Variants in DUSP11 observed in about 807,000 individuals in gnomAD.
DUSP11 encodes the protein dual specificity phosphatase 11, also known as RNA/RNP complex-1-interacting phosphatase.
DUSP11 carries 27 observed loss-of-function variants against 41.4 expected under a neutral mutation model. That is an observed-to-expected ratio of 0.65 (90% CI 0.48 to 0.90). DUSP11 has a LOEUF of 0.90. Among genes scored for constraint, DUSP11 ranks in the 40% least tolerant of loss-of-function variants. DUSP11 has a pLI of 0.00. For synonymous variants in DUSP11, 188 were observed against 159.3 expected, an observed-to-expected ratio of 1.18 and a Z score of -1.35; for missense variants, 465 against 461.1, an observed-to-expected ratio of 1.01 and a Z score of -0.08.
exon 5 of DUSP11, chr2:73,769,299 G>A (rs1240908836): frequency 6.2e-7 from 1 of 1,613,314 alleles, no homozygotes; most frequent in Admixed American, 1.7e-5. Context: ...TTTAAACCAT[G>A]GGTACAGTGG....
chr2:73,773,008 T>A (rs1672615618), intron 4 of DUSP11, among the ~76,000 whole-genome samples: 1 of 152,236 alleles, frequency 6.6e-6, no homozygotes. Flanking sequence ...TGGGTGTCAG[T>A]GGCTTTCCAA....
intron 2 of DUSP11, among the ~76,000 whole-genome samples, chr2:73,777,073 T>C (rs1437502297): frequency 2.0e-5 from 3 of 152,124 alleles, no homozygotes; most frequent in Admixed American, 2.0e-4. Context: ...CTTGACCTCC[T>C]GGGTTCAATC....
At chr2:73,768,066 C>T (rs1368841577) in intron 5 of DUSP11, 1 of 152,276 alleles carries the variant, frequency 6.6e-6, no homozygotes, top group Non-Finnish European at 1.5e-5. Flanking sequence ...GTCTCCCTAG[C>T]CAGTTCCTCC....
At chr2:73,762,683 G>C in exon 9 of DUSP11, 1 of 1,612,318 alleles carries the variant, frequency 6.2e-7, no homozygotes, top group Non-Finnish European at 8.5e-7. Flanking sequence ...TTCCCAACAG[G>C]CTGGATAGGA....
At chr2:73,762,553 A>T (rs571449114) in exon 9 of DUSP11, 33 of 790,650 alleles carry the variant, frequency 4.2e-5, no homozygotes, top group East Asian at 8.1e-5. Context: ...GCTTGAATAC[A>T]TAAGGGAACA....
At chr2:73,773,674 TGACA>T in intron 4 of DUSP11, 122 bp downstream of exon 4, 1 of 955,708 alleles carries the variant, frequency 1.0e-6, no homozygotes, top group Non-Finnish European at 1.5e-6. Flanking sequence ...TAGCACCATC[TGACA>T]TTTTCATCAC....
chr2:73,776,186 A>C (rs1289238487), intron 2 of DUSP11, among the ~76,000 whole-genome samples: 1 of 151,800 alleles, frequency 6.6e-6, no homozygotes, highest in Non-Finnish European at 1.5e-5. Context: ...AGGCCGAGGC[A>C]GGAGGATCAC....
intron 1 of DUSP11, chr2:73,779,481 T>A (rs1249563159): frequency 4.6e-6 from 1 of 218,144 alleles, no homozygotes; most frequent in Admixed American, 5.2e-5. Context: ...CAACTTTCCA[T>A]GTGAGATCTC....
At chr2:73,772,833 T>C (rs950516486) in intron 4 of DUSP11, among the ~76,000 whole-genome samples, 1 of 152,232 alleles carries the variant, frequency 6.6e-6, no homozygotes, top group Non-Finnish European at 1.5e-5. Flanking sequence ...TGATCCAGTC[T>C]CTATCTCTCA....
intron 8 of DUSP11, among the ~76,000 whole-genome samples, chr2:73,764,639 T>A (rs1672422620): frequency 6.6e-6 from 1 of 152,258 alleles, no homozygotes; most frequent in Non-Finnish European, 1.5e-5. Context: ...AGGTCCAGCC[T>A]GACAACCACT....
chr2:73,771,921 C>G lies in DUSP11; in HGVS notation c.574+1879G>C, dbSNP rs150645651. The stretch of plus-strand genomic sequence containing the variant: ...CTGAAAGCTCCGCCTCCCGGGTTCA[C>G]GCCATTCTCCTGCCTCAGCCCCCCG... On this transcript the variant is annotated intron_variant, in intron 4 of 8. Transcript: ENST00000272444. Among the ~76,000 whole-genome samples the G allele has an allele frequency of 1.1e-3, 173 of 151,652 alleles. 2 individuals are homozygous for G. In the East Asian group the frequency reaches 0.03, roughly 26 times the overall value.
rs1050547543 is a variant in DUSP11 at position 73,775,513 on chromosome 2, G to A, written c.319-469C>T. Among the ~76,000 whole-genome samples, 151 of 149,370 alleles carry A rather than the reference G, an allele frequency of 1.0e-3. 3 individuals are homozygous for A. The highest frequency in any genetic ancestry group is 1.1e-3 in the Non-Finnish European group (72 of 67,402). On this transcript the variant is annotated intron_variant, in intron 2 of 8. Coordinates refer to ENST00000272444, the Ensembl canonical transcript of DUSP11. ...CCCACCTCAACCTCACAAGTAGCTG[G>A]GACTACAGGCATGAACCACCACACC...
At chr2:73,763,444 C>T (rs1458874141) in intron 8 of DUSP11, among the ~76,000 whole-genome samples, 3 of 152,160 alleles carry the variant, frequency 2.0e-5, no homozygotes, top group Non-Finnish European at 4.4e-5. Flanking sequence ...AAATTTGGGG[C>T]TGGGCGTGGT....
At position 73,762,691 on chromosome 2, in the gene DUSP11, GGA is replaced by G; in HGVS notation, c.1102_1103del (p.Ser368LeufsTer33). ...GGGTCCATTCCCAACAGGCTGGATAGGAGAGTCTGGAGTAATTATAAGGATAC... is the reference window on the plus strand; with the variant it reads ...GGGTCCATTCCCAACAGGCTGGATAGGAGTCTGGAGTAATTATAAGGATAC... On this transcript the variant is annotated frameshift_variant, in exon 9 of 9. Transcript: ENST00000272444. LOFTEE classifies it high-confidence loss of function. 6.2e-7 allele frequency: 1 copy of G among 1,613,306 alleles called. No individual in the cohort carries two copies. Among genetic ancestry groups the G allele is most frequent in the Non-Finnish European group, 8.5e-7 (1 of 1,179,670 alleles).
intron 4 of DUSP11, among the ~76,000 whole-genome samples, chr2:73,770,674 C>T (rs554513392): frequency 2.0e-5 from 3 of 152,140 alleles, no homozygotes; most frequent in Non-Finnish European, 4.4e-5. Context: ...GCTTAAAAAT[C>T]TCAATTTAGC....
chr2:73,767,511 A>G (rs1219965472), intron 5 of DUSP11: 2 of 226,682 alleles, frequency 8.8e-6, no homozygotes, highest in African/African-American at 4.6e-5. Context: ...ATACACTAAA[A>G]ATAGAGACTT....
In DUSP11 at chr2:73,778,528, CA is replaced by C. The variant is rs1672727576; in HGVS notation, c.243-153del. 9 of 503,184 alleles carry C rather than the reference CA, an allele frequency of 1.8e-5. No homozygotes were observed. The Middle Eastern group carries it at 1.6e-3, about 87-fold the overall frequency. 31.2% of individuals were successfully genotyped at this position (503,184 alleles called of 1,614,324 possible). A position where few individuals can be genotyped will look rare whatever the true frequency, so the allele number is the denominator to read the frequency against. On this transcript the variant is annotated intron_variant, in intron 1 of 8. Transcript: ENST00000272444. ...CGCCACTCCACTTATTAAACCCCAC[CA>C]AGTAACGACCTATACCGTCCTTCTC...
At chr2:73,773,429 C>A in intron 4 of DUSP11, 1 of 348,302 alleles carries the variant, frequency 2.9e-6, no homozygotes, top group South Asian at 2.3e-5. Flanking sequence ...TTAATCTTTG[C>A]CCTTTCTTGT....
At chr2:73,776,382 T>A (rs1175427397) in intron 2 of DUSP11, among the ~76,000 whole-genome samples, 4 of 132,220 alleles carry the variant, frequency 3.0e-5, no homozygotes, top group East Asian at 4.5e-4. Flanking sequence ...ACCACTGCAC[T>A]CCAGCCTGGG....
Sources: allele counts gnomAD v4.1 joint callset (sites outside exome capture counted in the v4.1 genomes callset), GRCh38; gene constraint gnomAD v4.1.1; transcripts MANE v1.5; gene names NCBI Gene and HGNC (gene_info 2026-07-23, HGNC 2026-07-21).